WDR49: variants seen among roughly 807,000 people sequenced by gnomAD.
The protein encoded by WDR49 is cilia- and flagella-associated protein 337.
A neutral mutation model predicts 119.5 loss-of-function variants in WDR49; 107 were observed. The ratio of observed to expected loss-of-function variants is 0.90; its 90% confidence interval spans 0.77 to 1.05. WDR49 has a LOEUF of 1.05. Among genes scored for constraint, WDR49 ranks in the 50% least tolerant of loss-of-function variants. WDR49 has a pLI of 0.00. For missense variants in WDR49, 1,240 were observed against 1,220.5 expected, an observed-to-expected ratio of 1.02 and a Z score of -0.24; for synonymous variants, 425 against 418.8, an observed-to-expected ratio of 1.01 and a Z score of -0.18.
At chr3:167,533,654 A>G (rs1021152410) in intron 11 of WDR49, among the ~76,000 whole-genome samples, 2 of 152,084 alleles carry the variant, frequency 1.3e-5, no homozygotes, top group African/African-American at 4.8e-5. Flanking sequence ...TTTCCTACAG[A>G]AAGTCCTTCA....
intron 9 of WDR49, among the ~76,000 whole-genome samples, chr3:167,557,058 A>G (rs1712975414): frequency 6.6e-6 from 1 of 152,050 alleles, no homozygotes; most frequent in African/African-American, 2.4e-5. Flanking sequence ...TTAGCCGAGC[A>G]TGGTGGTGCA....
intron 7 of WDR49, among the ~76,000 whole-genome samples, chr3:167,591,958 G>C (rs1398637582): frequency 6.6e-6 from 1 of 151,836 alleles, no homozygotes; most frequent in East Asian, 1.9e-4. Context: ...GTTGTCTTCT[G>C]GTCTTCTCTT....
Position 167,653,413 on chromosome 3 carries a change from T to A in WDR49, c.13A>T (p.Lys5Ter). MSCQ[K>*]AVLELNIGSQ... Reference sequence around the variant, plus strand: ...CCTATGTTTAACTCAAGTACAGCTTTCTGGCAACTCATAATGGCTTCACCT... The same window carrying A: ...CCTATGTTTAACTCAAGTACAGCTTACTGGCAACTCATAATGGCTTCACCT... Residue 5 changes from lysine (K) to a stop codon, truncating the protein, a stop_gained, in exon 2 of 19, where the codon AAA becomes TAA. Transcript: ENST00000682715. LOFTEE classifies it high-confidence loss of function. The A allele has an allele frequency of 6.6e-7, 1 of 1,522,998 alleles. No individual in the cohort carries two copies. Among genetic ancestry groups the A allele is most frequent in the South Asian group, 1.2e-5 (1 of 81,754 alleles). The allele number at this position is 1,522,998 out of a possible 1,614,324, so 94.3% of individuals were successfully genotyped here.
chr3:167,588,688 A>G (rs9811880), intron 7 of WDR49, among the ~76,000 whole-genome samples: 38,826 of 152,052 alleles, frequency 0.26, 5,198 homozygotes, highest in African/African-American at 0.3. Context: ...TTCTCTGATA[A>G]TAAATAATAT....
chr3:167,546,877 C>T lies in WDR49; in HGVS notation c.1823+7773G>A, dbSNP rs147474798. Among the ~76,000 whole-genome samples the T allele has an allele frequency of 3.2e-4, 49 of 151,756 alleles. 1 individual carries two copies. The East Asian group carries it at 9.3e-3, about 29-fold the overall frequency. ...GTCCTATTGTCATGTCTTGTTAATG[C>T]CTGTTCTTCAATTCATTGCTTTTTA... On this transcript the variant is annotated intron_variant, in intron 10 of 18. Coordinates refer to ENST00000682715, the MANE Select transcript of WDR49 (RefSeq NM_001366157.1).
At chr3:167,509,135 A>G (rs1751874275) in intron 16 of WDR49, among the ~76,000 whole-genome samples, 1 of 152,196 alleles carries the variant, frequency 6.6e-6, no homozygotes, top group Admixed American at 6.5e-5. Context: ...GTTTCTAATA[A>G]TGAATCCCTT....
chr3:167,556,850 C>G (rs576670319), intron 9 of WDR49, among the ~76,000 whole-genome samples: 3 of 152,082 alleles, frequency 2.0e-5, no homozygotes, highest in Non-Finnish European at 4.4e-5. Flanking sequence ...TATGGTGAAA[C>G]CCCATCTCTA....
At chr3:167,498,185 G>T (rs1338138805) in intron 18 of WDR49, among the ~76,000 whole-genome samples, 2 of 152,160 alleles carry the variant, frequency 1.3e-5, no homozygotes, top group African/African-American at 4.8e-5. Context: ...AAAGTGATGG[G>T]ATGACAGACT....
intron 18 of WDR49, 42 bp from the exon 19 acceptor site, chr3:167,479,038 TAA>T (rs769263978): frequency 8.6e-6 from 12 of 1,402,182 alleles, no homozygotes; most frequent in South Asian, 6.4e-5. Context: ...TTATATTTGT[TAA>T]GAGACCTATT....
intron 10 of WDR49, among the ~76,000 whole-genome samples, chr3:167,537,234 T>G (rs1347146019): frequency 6.6e-6 from 1 of 152,184 alleles, no homozygotes. Flanking sequence ...TATCCTTTCA[T>G]AATCGTTAAC....
chr3:167,540,761 T>C (rs1374559375), intron 10 of WDR49, among the ~76,000 whole-genome samples: 1 of 151,836 alleles, frequency 6.6e-6, no homozygotes, highest in Non-Finnish European at 1.5e-5. Flanking sequence ...CTCCAGGATA[T>C]ACCAGAGAAA....
intron 10 of WDR49, among the ~76,000 whole-genome samples, chr3:167,540,233 T>C (rs1461087781): frequency 6.6e-6 from 1 of 152,146 alleles, no homozygotes; most frequent in Non-Finnish European, 1.5e-5. Context: ...ATAATGAGCA[T>C]TCAAGAAAGC....
chr3:167,481,066 CAA>C (rs34399475), intron 18 of WDR49, among the ~76,000 whole-genome samples: 4 of 135,702 alleles, frequency 2.9e-5, no homozygotes, highest in Non-Finnish European at 1.6e-5. Context: ...ATATTTCAAG[CAA>C]AAAAAAAAAA....
chr3:167,565,583 AT>A (rs1432760014), intron 8 of WDR49, among the ~76,000 whole-genome samples: 1 of 152,148 alleles, frequency 6.6e-6, no homozygotes, highest in East Asian at 1.9e-4. Context: ...CTGAGGAATC[AT>A]TTGTAGAGAC....
At chr3:167,651,103 C>A (rs561943778) in intron 2 of WDR49, among the ~76,000 whole-genome samples, 7 of 152,288 alleles carry the variant, frequency 4.6e-5, no homozygotes, top group South Asian at 2.1e-4. Context: ...TTCGGAAATA[C>A]ACGTAAAACA....
At chr3:167,502,278 C>T (rs1460000948) in intron 17 of WDR49, among the ~76,000 whole-genome samples, 3 of 152,126 alleles carry the variant, frequency 2.0e-5, no homozygotes, top group Non-Finnish European at 4.4e-5. Context: ...CCTGCAGAAC[C>T]GTGATCCAAT....
intron 5 of WDR49, among the ~76,000 whole-genome samples, chr3:167,615,918 G>A (rs1716574910): frequency 6.6e-6 from 1 of 152,160 alleles, no homozygotes; most frequent in African/African-American, 2.4e-5. Context: ...AATACCATGT[G>A]CAGAAGGATA....
At chr3:167,536,170 G>A (rs1292515460) in intron 11 of WDR49, among the ~76,000 whole-genome samples, 1 of 152,008 alleles carries the variant, frequency 6.6e-6, no homozygotes, top group Admixed American at 6.6e-5. Flanking sequence ...ATAGTAGGAT[G>A]ACTAGAGTTA....
chr3:167,564,273 G>A (rs1303222510), intron 8 of WDR49, among the ~76,000 whole-genome samples: 1 of 152,150 alleles, frequency 6.6e-6, no homozygotes, highest in African/African-American at 2.4e-5. Context: ...AAAACAATGT[G>A]TTGAAACTGA....
Sources: gnomAD v4.1 joint callset for allele counts (sites outside exome capture counted in the v4.1 genomes callset) on GRCh38, gnomAD v4.1.1 for gene constraint, MANE v1.5 for transcripts, NCBI Gene and HGNC (gene_info 2026-07-23, HGNC 2026-07-21) for gene names.